GNAS: variants seen among roughly 807,000 people sequenced by gnomAD.
GNAS encodes the protein GNAS complex locus.
A neutral mutation model predicts 54.5 loss-of-function variants in GNAS; 8 were observed. That is an observed-to-expected ratio of 0.15 (90% CI 0.09 to 0.26). The LOEUF is 0.26. Ranked by LOEUF, GNAS falls within the 10% of genes least tolerant of loss-of-function variation. The probability of loss-of-function intolerance (pLI) is 1.00; values close to 1 mark genes in which losing one functional copy is unlikely to be tolerated. For synonymous variants in GNAS, 204 were observed against 191.4 expected (o/e 1.07, Z -0.54); for missense variants, 170 against 529.8 (o/e 0.32, Z 6.67).
upstream of GNAS, among the ~76,000 whole-genome samples, chr20:58,891,092 C>T (rs932410706): frequency 2.0e-5 from 3 of 149,492 alleles, no homozygotes; most frequent in East Asian, 2.1e-4. Flanking sequence ...CGCCCCCTCT[C>T]CCCCCTCGGC....
At chr20:58,851,183 A>G (rs116830358) in intron 1 of GNAS, among the ~76,000 whole-genome samples, 1,776 of 152,306 alleles carry the variant, frequency 0.012, 30 homozygotes, top group African/African-American at 0.04. Flanking sequence ...GGGGATCCCA[A>G]ACGTTTCCCA....
rs1389933912 is a variant in GNAS at position 58,903,425 on chromosome 20, TGAA to T, written c.258-102_258-100del. The T allele has an allele frequency of 2.7e-5, 26 of 973,910 alleles. No individual in the cohort carries two copies. The East Asian group carries it at 5.3e-4, about 20-fold the overall frequency. 60.3% of individuals were successfully genotyped at this position (973,910 alleles called of 1,614,324 possible). On this transcript the variant is annotated intron_variant, in intron 3 of 12. Coordinates refer to ENST00000371085, the MANE Select transcript of GNAS (RefSeq NM_000516.7). Reference sequence around the variant, plus strand: ...GCACAGATCCGAACCCACAACTCCCTGAAGAACAGAATACTATGCTTTTTAGTC... The same window carrying T: ...GCACAGATCCGAACCCACAACTCCCTGAACAGAATACTATGCTTTTTAGTC...
chr20:58,844,779 C>T (rs1273699205), intron 1 of GNAS, among the ~76,000 whole-genome samples: 2 of 151,420 alleles, frequency 1.3e-5, no homozygotes, highest in Non-Finnish European at 2.9e-5. Context: ...GCCCGGCCTA[C>T]AGTGTGAGAC....
At position 58,891,629 on chromosome 20, in the gene GNAS, G is replaced by GCCCGCCCGGCGCTGCCCCGGCCCT; in HGVS notation, c.-93_-70dup. On this transcript the variant is annotated 5_prime_UTR_variant, in exon 1 of 13. Transcript: ENST00000371085. ...GAGGAGCCGAGCCCGCGCCCGGCCC[G>GCCCGCCCGGCGCTGCCCCGGCCCT]CCCGCCCGGCGCTGCCCCGGCCCTC... 2 of 962,304 alleles carry GCCCGCCCGGCGCTGCCCCGGCCCT rather than the reference G, an allele frequency of 2.1e-6. No homozygotes were observed. Among genetic ancestry groups the GCCCGCCCGGCGCTGCCCCGGCCCT allele is most frequent in the Non-Finnish European group, 2.4e-6 (2 of 819,626 alleles). The allele number at this position is 962,304 out of a possible 1,614,324, so 59.6% of individuals were successfully genotyped here.
In GNAS at chr20:58,853,424, G is replaced by A. The variant is rs774600473; in HGVS notation, c.43+12538G>A. The A allele has an allele frequency of 8.8e-6, 14 of 1,598,552 alleles. No individual in the cohort carries two copies. The highest frequency in any genetic ancestry group is 1.3e-5 in the African/African-American group (1 of 74,378). ...CAGCCGAAGAGATGGAGACCGAACC[G>A]CCTCACAACGAGCCCATCCCCGTCG... On this transcript the variant is annotated intron_variant, in intron 1 of 12. Transcript: ENST00000306090. This position sits in a 1 kb window ranked among gnomAD's most constrained non-coding sequence, Gnocchi z 4.4.
chr20:58,897,729 G>A (rs1014441995), intron 2 of GNAS: 7 of 152,194 alleles, frequency 4.6e-5, no homozygotes, highest in African/African-American at 7.2e-5. Context: ...GCACAGATAC[G>A]TTAAATTTAG....
intron 1 of GNAS, among the ~76,000 whole-genome samples, chr20:58,859,229 C>G (rs112225352): frequency 3.9e-5 from 6 of 152,318 alleles, no homozygotes; most frequent in African/African-American, 1.4e-4. Context: ...GAAACAAAGT[C>G]TCCCTCTGTC....
rs2146300008 is a variant in GNAS at position 58,910,370 on chromosome 20, G to A, written c.1007G>A (p.Arg336Gln). 1 of 1,612,644 alleles carries A rather than the reference G, an allele frequency of 6.2e-7. No homozygotes were observed. Among genetic ancestry groups the A allele is most frequent in the Non-Finnish European group, 8.5e-7 (1 of 1,178,800 alleles). The change falls in exon 12 of 13, where the codon CGG becomes CAG. Residue 336 changes from arginine (R) to glutamine (Q), a missense_variant. By Grantham distance (43) the Arg-to-Gln change is conservative. This residue lies in a region of GNAS where 36 missense variants were observed against 223.0 expected (regional missense o/e 0.16). Transcript: ENST00000371085. The surrounding 1 kb of genome is among the most constrained non-coding windows in gnomAD (Gnocchi z 5.8). ...PEPGEDPRVT[R>Q]AKYFIRDEFL... is the part of the protein sequence containing the mutation. ...CCCGGAGAGGACCCACGCGTGACCCGGGCCAAGTACTTCATTCGAGATGAG... is the reference window on the plus strand; with the variant it reads ...CCCGGAGAGGACCCACGCGTGACCCAGGCCAAGTACTTCATTCGAGATGAG...
chr20:58,853,176 A>AAATAAT lies in GNAS; in HGVS notation c.43+12300_43+12305dup, dbSNP rs892836925. 2 of 1,444,356 alleles carry AAATAAT rather than the reference A, an allele frequency of 1.4e-6. No homozygotes were observed. Among genetic ancestry groups the AAATAAT allele is most frequent in the African/African-American group, 2.9e-5 (2 of 69,508 alleles). 89.5% of individuals were successfully genotyped at this position (1,444,356 alleles called of 1,614,324 possible). The stretch of plus-strand genomic sequence containing the variant: ...CTTTCCAGCTGGTACTTTGATTTTA[A>AAATAAT]AATAATAATAATAATTTTTTCACCC... On this transcript the variant is annotated intron_variant, in intron 1 of 12. Coordinates refer to the GNAS transcript ENST00000306090. The surrounding 1 kb of genome is among the most constrained non-coding windows in gnomAD (Gnocchi z 4.4).
intron 1 of GNAS, among the ~76,000 whole-genome samples, chr20:58,861,812 T>A (rs1444621078): frequency 1.3e-5 from 2 of 152,220 alleles, no homozygotes; most frequent in African/African-American, 2.4e-5. Flanking sequence ...TTCAAGCGAT[T>A]CTCCTGCCTC....
chr20:58,840,440 G>T (rs201307445), upstream of GNAS: 18 of 1,613,322 alleles, frequency 1.1e-5, no homozygotes, highest in Non-Finnish European at 1.5e-5. This position sits in a 1 kb window ranked among gnomAD's most constrained non-coding sequence, Gnocchi z 6.0. Flanking sequence ...CTACGAGACC[G>T]AGAGCGAGAC....
At chr20:58,887,598 G>A (rs947292715), upstream of GNAS, among the ~76,000 whole-genome samples, 2 of 152,166 alleles carry the variant, frequency 1.3e-5, no homozygotes, top group Non-Finnish European at 2.9e-5. Context: ...ATCAACCTAG[G>A]ATAGTTCCTT....
At chr20:58,890,481 GT>G (rs2089084290), upstream of GNAS, among the ~76,000 whole-genome samples, 1 of 152,020 alleles carries the variant, frequency 6.6e-6, no homozygotes, top group African/African-American at 2.4e-5. Context: ...CCTGCCCCTC[GT>G]GGTGTTCCTG....
At chr20:58,890,333 C>G (rs1424689242), upstream of GNAS, among the ~76,000 whole-genome samples, 1 of 150,858 alleles carries the variant, frequency 6.6e-6, no homozygotes, top group Non-Finnish European at 1.5e-5. Flanking sequence ...AGGGCGCCGC[C>G]GCCGGGGGCA....
At chr20:58,905,540 A>G in intron 6 of GNAS, 60 bp downstream of exon 6, 1 of 933,462 alleles carries the variant, frequency 1.1e-6, no homozygotes, top group Middle Eastern at 2.1e-4. Flanking sequence ...GAAAACATGA[A>G]AACCTGTGAT....
Position 58,853,018 on chromosome 20 carries a change from G to A in GNAS, c.43+12132G>A, listed in dbSNP as rs554079878. ...GGAAGAGGGGCTGGGGGGCAGCCTGGGGGCATGAAAAGTGGCCAGGAAGGA... is the reference window on the plus strand; with the variant it reads ...GGAAGAGGGGCTGGGGGGCAGCCTGAGGGCATGAAAAGTGGCCAGGAAGGA... On this transcript the variant is annotated intron_variant, in intron 1 of 12. Transcript: ENST00000306090. The surrounding 1 kb of genome is among the most constrained non-coding windows in gnomAD (Gnocchi z 4.4). The A allele has an allele frequency of 7.6e-7, 1 of 1,314,068 alleles. No homozygotes were observed. The highest frequency in any genetic ancestry group is 2.0e-5 in the South Asian group (1 of 49,152). The allele number at this position is 1,314,068 out of a possible 1,614,324, so 81.4% of individuals were successfully genotyped here.
At chr20:58,854,891 T>C in intron 1 of GNAS, 1 of 1,594,428 alleles carries the variant, frequency 6.3e-7, no homozygotes, top group Non-Finnish European at 8.5e-7. Context: ...ATCCGCCTAC[T>C]CCGCGGCCTA....
intron 3 of GNAS, chr20:58,900,018 C>G: frequency 2.8e-6 from 2 of 711,892 alleles, no homozygotes; most frequent in South Asian, 3.0e-5. Context: ...AATTTGCATG[C>G]TGGAATTGCT....
At position 58,853,203 on chromosome 20, in the gene GNAS, A is replaced by C. The variant is rs1484502443; in HGVS notation, c.43+12317A>C. 3 of 1,475,240 alleles carry C rather than the reference A, an allele frequency of 2.0e-6. No individual in the cohort carries two copies. The highest frequency in any genetic ancestry group is 2.7e-6 in the Non-Finnish European group (3 of 1,111,324). The allele number at this position is 1,475,240 out of a possible 1,614,324, so 91.4% of individuals were successfully genotyped here. On this transcript the variant is annotated intron_variant, in intron 1 of 12. Coordinates refer to the GNAS transcript ENST00000306090. The surrounding 1 kb of genome is among the most constrained non-coding windows in gnomAD (Gnocchi z 4.4). ...ATAATAATAATAATTTTTTCACCCT[A>C]GTTCGGTTGGGTGCTCCATCTTACG...
Sources: allele counts gnomAD v4.1 joint callset (sites outside exome capture counted in the v4.1 genomes callset), GRCh38; gene constraint gnomAD v4.1.1; regional missense constraint gnomAD v4.1.1; non-coding constraint Gnocchi (gnomAD v3.1); transcripts MANE v1.5; gene names NCBI Gene and HGNC (gene_info 2026-07-23, HGNC 2026-07-21).